The following NR2C2 variants were observed in gnomAD, a reference collection of about 807,000 sequenced individuals.
NR2C2 encodes the protein Nuclear hormone receptor TR4.
A neutral mutation model predicts 62.9 loss-of-function variants in NR2C2; 6 were observed. That is an observed-to-expected ratio of 0.10 (90% CI 0.05 to 0.19). The LOEUF is 0.19. Among genes scored for constraint, NR2C2 ranks in the 10% least tolerant of loss-of-function variants. The pLI, the probability that NR2C2 is intolerant of heterozygous loss-of-function variation, is 1.00. For synonymous variants in NR2C2, 272 were observed against 273.8 expected (o/e 0.99, Z 0.07); for missense variants, 479 against 762.7 (o/e 0.63, Z 4.38).
At chr3:15,030,480 C>T (rs754970430) in intron 9 of NR2C2, 28 bp downstream of exon 9, 1 of 1,540,156 alleles carries the variant, frequency 6.5e-7, no homozygotes, top group South Asian at 1.3e-5. Flanking sequence ...AACCATGTGC[C>T]CCCAACCTGC....
At chr3:15,008,008 AGAG>A (rs1201871861) in intron 2 of NR2C2, among the ~76,000 whole-genome samples, 2 of 152,162 alleles carry the variant, frequency 1.3e-5, no homozygotes, top group Admixed American at 1.3e-4. Flanking sequence ...TTACAGTGAA[AGAG>A]GTGGCAAGGT....
At chr3:15,018,389 G>A (rs968244463) in intron 4 of NR2C2, among the ~76,000 whole-genome samples, 11 of 152,028 alleles carry the variant, frequency 7.2e-5, no homozygotes, top group East Asian at 1.9e-4. Flanking sequence ...AACATATAGC[G>A]AACTTAAACA....
At chr3:15,005,235 G>A (rs2041134154) in intron 2 of NR2C2, among the ~76,000 whole-genome samples, 1 of 151,940 alleles carries the variant, frequency 6.6e-6, no homozygotes, top group Non-Finnish European at 1.5e-5. Flanking sequence ...CACCCAGGCT[G>A]GAGTGCAATG....
chr3:14,965,515 C>A (rs1238470529), intron 1 of NR2C2, among the ~76,000 whole-genome samples: 1 of 124,028 alleles, frequency 8.1e-6, no homozygotes, highest in African/African-American at 3.4e-5. Flanking sequence ...ACTGTTGTTT[C>A]CCATGGCAAA....
At chr3:15,036,481 TTTG>T (rs747177543) in intron 11 of NR2C2, among the ~76,000 whole-genome samples, 15 of 151,988 alleles carry the variant, frequency 9.9e-5, no homozygotes, top group Admixed American at 3.3e-4. Context: ...AGTGGAAGTT[TTTG>T]TTGTTGTTGT....
At chr3:14,967,747 G>C (rs536392814) in intron 1 of NR2C2, among the ~76,000 whole-genome samples, 129 of 152,196 alleles carry the variant, frequency 8.5e-4, no homozygotes, top group African/African-American at 3.0e-3. Flanking sequence ...ATACTACAAG[G>C]CTACAGTAAC....
chr3:15,043,149 C>T lies in NR2C2; in HGVS notation c.*141C>T, dbSNP rs1023242297. 9.0e-6 allele frequency: 6 copies of T among 665,150 alleles called. No homozygotes were observed. The highest frequency in any genetic ancestry group is 7.4e-5 in the African/African-American group (4 of 53,712). 41.2% of individuals were successfully genotyped at this position (665,150 alleles called of 1,614,324 possible). A position where few individuals can be genotyped will look rare whatever the true frequency, so the allele number is the denominator to read the frequency against. ...TCTGGTTTCTCCTTATCTGTTAATC[C>T]CAGACAATAGCAATTAAAAGACTAG... On this transcript the variant is annotated 3_prime_UTR_variant, in exon 14 of 14. Transcript: ENST00000425241.
At position 15,032,519 on chromosome 3, in the gene NR2C2, T is replaced by G. The variant is rs1338661294; in HGVS notation, c.1232+19T>G. ...CACTTGGGTAAGTGGCCTCTTGCTG[T>G]GCATGTATCCTCGGGCAGGAGCCTT... On this transcript the variant is annotated intron_variant, in intron 10 of 13. Transcript: ENST00000425241. The G allele has an allele frequency of 6.2e-7, 1 of 1,614,172 alleles. No individual in the cohort carries two copies. The highest frequency in any genetic ancestry group is 1.3e-5 in the African/African-American group (1 of 75,046).
intron 1 of NR2C2, among the ~76,000 whole-genome samples, chr3:14,971,393 C>T (rs779735194): frequency 6.6e-6 from 1 of 151,754 alleles, no homozygotes; most frequent in African/African-American, 2.4e-5. Flanking sequence ...GCTGGGATTA[C>T]AGGCATAAGC....
chr3:15,031,424 G>A (rs1352064833), intron 9 of NR2C2, among the ~76,000 whole-genome samples: 1 of 151,580 alleles, frequency 6.6e-6, no homozygotes, highest in African/African-American at 2.4e-5. Context: ...TGTGATTGTG[G>A]CTCACTGTAA....
At chr3:15,014,983 T>C (rs2041467771) in intron 3 of NR2C2, among the ~76,000 whole-genome samples, 1 of 152,220 alleles carries the variant, frequency 6.6e-6, no homozygotes, top group African/African-American at 2.4e-5. Flanking sequence ...TTTTTTGTCT[T>C]CTGATTGAGC....
In NR2C2 at chr3:15,031,693, C is replaced by T. The variant is rs1158958839; in HGVS notation, c.1111-686C>T. ...CTTACTGCTACCTTAAGACCATCTC[C>T]CAAAATGCCTGCTAGTCCATGAAGT... On this transcript the variant is annotated intron_variant, in intron 9 of 13. Transcript: ENST00000425241. Among the ~76,000 whole-genome samples the T allele has an allele frequency of 2.0e-5, 3 of 152,138 alleles. No individual in the cohort carries two copies. In the East Asian group the frequency reaches 5.8e-4, roughly 29 times the overall value.
intron 1 of NR2C2, among the ~76,000 whole-genome samples, chr3:15,001,093 C>T (rs1045176737): frequency 2.6e-5 from 4 of 151,680 alleles, no homozygotes; most frequent in East Asian, 1.9e-4. Context: ...GGATTACAGG[C>T]GTGAGCCACC....
At chr3:15,005,964 G>C (rs893344939) in intron 2 of NR2C2, among the ~76,000 whole-genome samples, 28 of 152,118 alleles carry the variant, frequency 1.8e-4, no homozygotes, top group African/African-American at 6.5e-4. Flanking sequence ...CCAGCACTTA[G>C]GGAGGCTGAA....
chr3:15,039,581 A>C (rs1162686604), intron 13 of NR2C2, among the ~76,000 whole-genome samples: 1 of 150,820 alleles, frequency 6.6e-6, no homozygotes, highest in Admixed American at 6.6e-5. Flanking sequence ...AACACTGTAC[A>C]TGAGGCTTGA....
chr3:14,953,604 A>G (rs902871988), intron 1 of NR2C2, among the ~76,000 whole-genome samples: 1 of 152,124 alleles, frequency 6.6e-6, no homozygotes, highest in Non-Finnish European at 1.5e-5. Flanking sequence ...AAAAAGAAAG[A>G]TTCACGTATG....
In NR2C2 at chr3:14,954,755, G is replaced by C. The variant is rs1022467357; in HGVS notation, c.-40+6849G>C. ...GGGTATTGGTAATGTCTTGTTTTCT[G>C]ATCTGAGTGGCATTTACATGTGTGT... On this transcript the variant is annotated intron_variant, in intron 1 of 13. Transcript: ENST00000425241. Among the ~76,000 whole-genome samples the C allele has an allele frequency of 3.3e-5, 5 of 152,264 alleles. No homozygotes were observed. The East Asian group carries it at 9.6e-4, about 29-fold the overall frequency.
chr3:15,039,221 C>T lies in NR2C2; in HGVS notation c.1610C>T (p.Thr537Ile), dbSNP rs1438353072. The change falls in exon 13 of 14, where the codon ACC (threonine) becomes ATC (isoleucine). Residue 537 changes from threonine to isoleucine, a missense_variant. This residue lies in a region of NR2C2 where 162 missense variants were observed against 296.8 expected (regional missense o/e 0.55). Transcript: ENST00000425241. ...GTTCAGAAAACCTACTCAGAAGACACCTACCGGTGAGGCATTCAGGCATAT... is the reference window on the plus strand; with the variant it reads ...GTTCAGAAAACCTACTCAGAAGACATCTACCGGTGAGGCATTCAGGCATAT... ...DYVQKTYSED[T>I]YRLARILVRL... The T allele has an allele frequency of 6.2e-6, 10 of 1,610,946 alleles. No individual in the cohort carries two copies. The highest frequency in any genetic ancestry group is 2.2e-5 in the South Asian group (2 of 91,024).
intron 2 of NR2C2, among the ~76,000 whole-genome samples, chr3:15,007,847 C>A (rs956793462): frequency 6.6e-6 from 1 of 152,196 alleles, no homozygotes; most frequent in Admixed American, 6.5e-5. Flanking sequence ...TCACACACAT[C>A]GTATCATTTC....
Sources: allele counts gnomAD v4.1 joint callset (sites outside exome capture counted in the v4.1 genomes callset), GRCh38; gene constraint gnomAD v4.1.1; regional missense constraint gnomAD v4.1.1; transcripts MANE v1.5; gene names NCBI Gene and HGNC (gene_info 2026-07-23, HGNC 2026-07-21).